PREX1: variants seen among roughly 807,000 people sequenced by gnomAD.
PREX1 encodes the protein phosphatidylinositol 3,4,5-trisphosphate-dependent Rac exchanger 1 protein.
A neutral mutation model predicts 198.3 loss-of-function variants in PREX1; 41 were observed. The ratio of observed to expected loss-of-function variants is 0.21; its 90% CI spans 0.16 to 0.27. The LOEUF is 0.27. Ranked by LOEUF, PREX1 falls within the 10% of genes least tolerant of loss-of-function variation. PREX1 has a pLI of 1.00. For synonymous variants in PREX1, 843 were observed against 887.2 expected (o/e 0.95, Z 0.89); for missense variants, 1,620 against 2,200.7 (o/e 0.74, Z 5.28).
rs73911641 is a variant in PREX1, at chr20:48,704,158, A to C, written c.784-3272T>G. Reference sequence around the variant, plus strand: ...GACCGAGGCACAGCGTGGTGAAGTGACTTGTTCATGGTCACATAGGTGGTA... The same window carrying C: ...GACCGAGGCACAGCGTGGTGAAGTGCCTTGTTCATGGTCACATAGGTGGTA... On this transcript the variant is annotated intron_variant, in intron 6 of 39. Transcript: ENST00000371941. 2.3e-3 allele frequency among the ~76,000 whole-genome samples: 355 copies of C among 152,360 alleles called. 3 individuals are homozygous for C. The highest frequency in any genetic ancestry group is 8.2e-3 in the African/African-American group (340 of 41,582).
At chr20:48,758,329 CAG>C (rs2090163883) in intron 1 of PREX1, among the ~76,000 whole-genome samples, 1 of 152,168 alleles carries the variant, frequency 6.6e-6, no homozygotes, top group African/African-American at 2.4e-5. Context: ...CTGAAAGTGA[CAG>C]AGCAGCTCAG....
At chr20:48,750,610 C>T (rs1376715689) in intron 1 of PREX1, among the ~76,000 whole-genome samples, 1 of 152,180 alleles carries the variant, frequency 6.6e-6, no homozygotes, top group Non-Finnish European at 1.5e-5. Context: ...GATGTTCTCC[C>T]CCATTCTGCC....
At chr20:48,831,436 C>T (rs2090536969), upstream of PREX1, among the ~76,000 whole-genome samples, 1 of 152,216 alleles carries the variant, frequency 6.6e-6, no homozygotes, top group Non-Finnish European at 1.5e-5. Flanking sequence ...CAAGCATCTA[C>T]TACACACTGG....
Position 48,634,666 on chromosome 20 carries a change from A to G in PREX1, c.4267+10T>C. On this transcript the variant is annotated intron_variant, in intron 33 of 39. Coordinates refer to ENST00000371941, the MANE Select transcript of PREX1 (RefSeq NM_020820.4). ...ACCTCTCACAGTGGGGGATGGGAGA[A>G]ATCACTCACTGGCCACATAGTTCTC... The G allele has an allele frequency of 2.5e-6, 4 of 1,613,334 alleles. No individual in the cohort carries two copies. Among genetic ancestry groups the G allele is most frequent in the Non-Finnish European group, 3.4e-6 (4 of 1,179,332 alleles).
rs574067206 is a variant in PREX1 at position 48,672,768 on chromosome 20, A to G, written c.1665+3425T>C. Among the ~76,000 whole-genome samples the G allele has an allele frequency of 2.0e-5, 3 of 151,752 alleles. No homozygotes were observed. In the South Asian group the frequency reaches 6.3e-4, roughly 32 times the overall value. On this transcript the variant is annotated intron_variant, in intron 14 of 39. Coordinates refer to ENST00000371941, the MANE Select transcript of PREX1 (RefSeq NM_020820.4). ...TCCCTCCTCAGTATGGCCGTCCCTG[A>G]CCCCCTGTGTAAACTGCACCACCCC...
At chr20:48,758,092 A>C (rs2090162784) in intron 1 of PREX1, among the ~76,000 whole-genome samples, 1 of 152,058 alleles carries the variant, frequency 6.6e-6, no homozygotes, top group African/African-American at 2.4e-5. Flanking sequence ...GGGAGGTGGG[A>C]GATGGTCCCT....
the PREX1 span, among the ~76,000 whole-genome samples, chr20:48,884,807 A>G: frequency 3.3e-5 from 5 of 152,190 alleles, no homozygotes; most frequent in Admixed American, 2.6e-4. Context: ...AATACAACCC[A>G]ATAGTAAAAA....
intron 15 of PREX1, among the ~76,000 whole-genome samples, chr20:48,663,108 G>A (rs1449673460): frequency 6.6e-6 from 1 of 152,188 alleles, no homozygotes; most frequent in Non-Finnish European, 1.5e-5. Context: ...CCTCAGCTGG[G>A]GAAACTGGAA....
At chr20:48,706,060 A>G (rs889320836) in intron 6 of PREX1, among the ~76,000 whole-genome samples, 1 of 152,208 alleles carries the variant, frequency 6.6e-6, no homozygotes, top group African/African-American at 2.4e-5. Context: ...ACTGCCAACA[A>G]TTCTTATTTT....
At chr20:48,841,589 T>A in the PREX1 span, among the ~76,000 whole-genome samples, 1 of 152,170 alleles carries the variant, frequency 6.6e-6, no homozygotes, top group Non-Finnish European at 1.5e-5. Flanking sequence ...GCCTAACACA[T>A]TACCTTGCCT....
rs753893013 is a variant in PREX1, at chr20:48,657,128, G to A, written c.2035C>T (p.Arg679Trp). 36 of 1,612,638 alleles carry A rather than the reference G, an allele frequency of 2.2e-5. No individual in the cohort carries two copies. Among genetic ancestry groups the A allele is most frequent in the Middle Eastern group, 1.6e-4 (1 of 6,082 alleles). Residue 679 changes from arginine to tryptophan, a missense_variant, in exon 18 of 40, where the codon CGG becomes TGG. Transcript: ENST00000371941. ...ATGGACTCCACCTCTGAAAACGGCCGCAGGAACACCAGGTCCTCATTGATG... is the reference window on the plus strand; with the variant it reads ...ATGGACTCCACCTCTGAAAACGGCCACAGGAACACCAGGTCCTCATTGATG... ...YSINEDLVFL[R>W]PFSEVESILN... is the part of the protein sequence containing the mutation.
chr20:48,837,904 A>G, the PREX1 span, among the ~76,000 whole-genome samples: 1 of 152,178 alleles, frequency 6.6e-6, no homozygotes, highest in Non-Finnish European at 1.5e-5. Context: ...GCAGAGAAAG[A>G]ACTACTTACA....
intron 1 of PREX1, among the ~76,000 whole-genome samples, chr20:48,771,992 G>A (rs958039830): frequency 2.6e-5 from 4 of 152,050 alleles, no homozygotes; most frequent in Admixed American, 6.5e-5. Context: ...TCAGGAGTTC[G>A]AGACCACCCT....
chr20:48,675,433 C>G (rs184234129), intron 14 of PREX1, among the ~76,000 whole-genome samples: 13 of 152,324 alleles, frequency 8.5e-5, no homozygotes, highest in Admixed American at 5.2e-4. Flanking sequence ...GAATATTATT[C>G]AACCTTAAAA....
chr20:48,862,805 A>ATGTG, the PREX1 span, among the ~76,000 whole-genome samples: 33 of 120,800 alleles, frequency 2.7e-4, 3 homozygotes, highest in African/African-American at 9.1e-4. Flanking sequence ...ATATATATAT[A>ATGTG]TATATATACT....
At chr20:48,642,659 C>CT in intron 27 of PREX1, 170 bp from the exon 28 acceptor site, 1 of 581,504 alleles carries the variant, frequency 1.7e-6, no homozygotes, top group Non-Finnish European at 3.0e-6. Flanking sequence ...CCTGACCTCT[C>CT]TGAGCCTCAG....
chr20:48,640,215 T>C lies in PREX1; in HGVS notation c.3776-321A>G, dbSNP rs2089398979. ...TCCTTTCGTCTAAGCCTGGATGTTG[T>C]AGCCACAGAAGGATTCTCAGGAACT... On this transcript the variant is annotated intron_variant, in intron 29 of 39. Coordinates refer to ENST00000371941, the MANE Select transcript of PREX1 (RefSeq NM_020820.4). 2.0e-5 allele frequency among the ~76,000 whole-genome samples: 3 copies of C among 152,326 alleles called. 1 individual carries two copies.
At chr20:48,741,254 C>T (rs1402565741) in intron 3 of PREX1, among the ~76,000 whole-genome samples, 1 of 152,178 alleles carries the variant, frequency 6.6e-6, no homozygotes, top group Non-Finnish European at 1.5e-5. Context: ...CCCACTTCTG[C>T]GGCTGGCACA....
chr20:48,762,450 T>C (rs1176217530), intron 1 of PREX1, among the ~76,000 whole-genome samples: 1 of 152,200 alleles, frequency 6.6e-6, no homozygotes, highest in Non-Finnish European at 1.5e-5. Flanking sequence ...CTCTCCTCAG[T>C]TGTGACAATC....
Sources: gnomAD v4.1 joint callset for allele counts (sites outside exome capture counted in the v4.1 genomes callset) on GRCh38, gnomAD v4.1.1 for gene constraint, MANE v1.5 for transcripts, NCBI Gene and HGNC (gene_info 2026-07-23, HGNC 2026-07-21) for gene names.